NBDY: variants seen among roughly 807,000 people sequenced by gnomAD.
NBDY encodes negative regulator of P-body association.
chrX:56,799,484 G>A (rs1335592650), intron 2 of NBDY, among the ~76,000 whole-genome samples: 1 of 113,324 alleles, frequency 8.8e-6, no homozygotes, highest in African/African-American at 3.2e-5. Context: ...CTCTAGCTTA[G>A]CTGCTTCTTC....
chrX:56,730,251 C>T (rs2069450133), intron 1 of NBDY, among the ~76,000 whole-genome samples: 1 of 108,517 alleles, frequency 9.2e-6, no homozygotes, highest in African/African-American at 3.3e-5. Flanking sequence ...CGCGGTGGCT[C>T]ACGCCTATTA....
intron 2 of NBDY, among the ~76,000 whole-genome samples, chrX:56,766,009 A>C (rs369509818): frequency 2.7e-5 from 3 of 111,328 alleles, no homozygotes; most frequent in East Asian, 2.8e-4. Context: ...AGCACAGATG[A>C]AGGTCATGAG....
intron 2 of NBDY, among the ~76,000 whole-genome samples, chrX:56,746,198 G>GT (rs1006262384): frequency 5.3e-4 from 57 of 107,293 alleles, no homozygotes; most frequent in Middle Eastern, 4.9e-3. Context: ...AGGGAATAAA[G>GT]TTTTTTTTTT....
rs74790802 is a variant in NBDY, at chrX:56,787,611, A to C, written c.*167-29709A>C. Among the ~76,000 whole-genome samples, 125 of 112,401 alleles carry C rather than the reference A, an allele frequency of 1.1e-3. 1 individual carries two copies. In the East Asian group the frequency reaches 0.027, roughly 24 times the overall value. On this transcript the variant is annotated intron_variant, in intron 2 of 2. Coordinates refer to ENST00000374922, the MANE Select transcript of NBDY (RefSeq NM_001348129.2). ...TGGAGCATCCTGGGTCAAGCTGCTT[A>C]AAAAGGGACCCCACTTTGGGGTAGG...
chrX:56,814,678 A>G (rs779991264), intron 2 of NBDY, among the ~76,000 whole-genome samples: 5 of 110,085 alleles, frequency 4.5e-5, no homozygotes, highest in Admixed American at 9.7e-5. Context: ...TACTTTTAGT[A>G]GAGATGGTGT....
intron 2 of NBDY, among the ~76,000 whole-genome samples, chrX:56,788,409 A>G (rs958410667): frequency 8.9e-6 from 1 of 112,745 alleles, no homozygotes; most frequent in African/African-American, 3.2e-5. Context: ...GGCACAAAAC[A>G]GATGGTGGCA....
At chrX:56,739,878 T>G (rs2069523363) in intron 2 of NBDY, among the ~76,000 whole-genome samples, 1 of 111,810 alleles carries the variant, frequency 8.9e-6, no homozygotes, top group South Asian at 3.7e-4. Context: ...CTTGACTGAA[T>G]CAGATATTGC....
At chrX:56,732,738 CAAGTT>C (rs1261520155) in intron 2 of NBDY, among the ~76,000 whole-genome samples, 3 of 111,423 alleles carry the variant, frequency 2.7e-5, no homozygotes, top group East Asian at 2.8e-4. Flanking sequence ...TTGTCTTTCT[CAAGTT>C]AAGGAACTTT....
chrX:56,762,321 T>A (rs900423269), intron 2 of NBDY, among the ~76,000 whole-genome samples: 3 of 110,067 alleles, frequency 2.7e-5, no homozygotes, highest in African/African-American at 1.0e-4. Flanking sequence ...CTCCTTTTTC[T>A]TCTTCTTTTC....
chrX:56,742,172 A>G (rs1421690932), intron 2 of NBDY, among the ~76,000 whole-genome samples: 1 of 110,898 alleles, frequency 9.0e-6, no homozygotes, highest in African/African-American at 3.3e-5. Context: ...GTTCTCAGTT[A>G]TCTTTCATTG....
intron 2 of NBDY, among the ~76,000 whole-genome samples, chrX:56,795,664 C>T (rs916733552): frequency 3.6e-5 from 4 of 112,157 alleles, no homozygotes; most frequent in Non-Finnish European, 5.6e-5. Context: ...ACGTCAATCT[C>T]GTGTATGGGC....
Position 56,729,359 on chromosome X carries a change from A to T in NBDY, c.6A>T (p.Gly2=), listed in dbSNP as rs1384874236. The T allele has an allele frequency of 3.4e-6, 1 of 293,846 alleles. No individual in the cohort carries two copies. Among genetic ancestry groups the T allele is most frequent in the East Asian group, 4.8e-5 (1 of 20,900 alleles). The allele number at this position is 293,846 out of a possible 1,213,427, so 24.2% of individuals were successfully genotyped here. Residue 2 remains glycine, a synonymous_variant, in exon 1 of 3, where the codon GGA becomes GGT. Transcript: ENST00000374922. M[G]DQPCASGRST... ...GACCCGTTTCTGTAATCCTTATGGG[A>T]GACCAACCTTGTGCCTCCGGGAGAT...
chrX:56,813,565 C>T (rs1352104066), intron 2 of NBDY, among the ~76,000 whole-genome samples: 1 of 111,451 alleles, frequency 9.0e-6, no homozygotes, highest in South Asian at 3.8e-4. Context: ...AAACTTGACA[C>T]GGGCACAAGG....
At chrX:56,758,161 C>G (rs1483802961) in intron 2 of NBDY, among the ~76,000 whole-genome samples, 1 of 110,031 alleles carries the variant, frequency 9.1e-6, no homozygotes, top group Non-Finnish European at 1.9e-5. Flanking sequence ...TGGTGAAACC[C>G]TATCTCTACT....
intron 2 of NBDY, among the ~76,000 whole-genome samples, chrX:56,758,305 G>T (rs758382313): frequency 2.1e-5 from 2 of 94,619 alleles, no homozygotes; most frequent in East Asian, 6.9e-4. Flanking sequence ...GACAGAGTGA[G>T]ACTCTGTCTC....
chrX:56,788,589 G>T (rs2069743609), intron 2 of NBDY, among the ~76,000 whole-genome samples: 1 of 111,228 alleles, frequency 9.0e-6, no homozygotes, highest in Non-Finnish European at 1.9e-5. Flanking sequence ...GGCATGAGTC[G>T]CCCCACACTC....
chrX:56,810,830 G>A (rs2069882416), intron 2 of NBDY, among the ~76,000 whole-genome samples: 1 of 111,070 alleles, frequency 9.0e-6, no homozygotes, highest in Non-Finnish European at 1.9e-5. Flanking sequence ...GAGAAAAAGT[G>A]TTCGGTTTTT....
At chrX:56,767,185 T>A (rs993843578) in intron 2 of NBDY, among the ~76,000 whole-genome samples, 1 of 113,361 alleles carries the variant, frequency 8.8e-6, no homozygotes, top group Non-Finnish European at 1.9e-5. Flanking sequence ...TCCTTTCTCT[T>A]TTACTTTCTA....
intron 2 of NBDY, among the ~76,000 whole-genome samples, chrX:56,748,658 G>A (rs1184783127): frequency 2.8e-5 from 3 of 107,336 alleles, no homozygotes; most frequent in African/African-American, 1.0e-4. Context: ...GTCTGATGCC[G>A]ATTAAGAAAA....
Sources: gnomAD v4.1 joint callset for allele counts (sites outside exome capture counted in the v4.1 genomes callset) on GRCh38, gnomAD v4.1.1 for gene constraint, MANE v1.5 for transcripts, NCBI Gene and HGNC (gene_info 2026-07-23, HGNC 2026-07-21) for gene names.